Variants in NDUFA12 observed in about 807,000 individuals in gnomAD.
The protein encoded by NDUFA12 is NADH dehydrogenase [ubiquinone] 1 alpha subcomplex subunit 12.
A neutral mutation model predicts 20.3 loss-of-function variants in NDUFA12; 17 were observed. The observed-to-expected ratio is 0.84, with a 90% CI of 0.57 to 1.26. NDUFA12 has a LOEUF of 1.26. Among genes scored for constraint, NDUFA12 ranks in the 50% most tolerant of loss-of-function variants. The pLI is 0.00. For synonymous variants in NDUFA12, 72 were observed against 63.6 expected, an observed-to-expected ratio of 1.13 and a Z score of -0.63; for missense variants, 191 against 183.7, an observed-to-expected ratio of 1.04 and a Z score of -0.23.
intron 3 of NDUFA12, among the ~76,000 whole-genome samples, chr12:94,973,391 C>T (rs563569041): frequency 5.3e-5 from 8 of 152,148 alleles, no homozygotes; most frequent in East Asian, 1.9e-4. Flanking sequence ...TATGAGCACA[C>T]GAGCGCTGAA....
At chr12:95,001,108 C>G (rs892467213) in intron 2 of NDUFA12, among the ~76,000 whole-genome samples, 1 of 152,066 alleles carries the variant, frequency 6.6e-6, no homozygotes, top group Non-Finnish European at 1.5e-5. Context: ...AGTTCAAGAC[C>G]AGCCTGGGGA....
At chr12:94,978,564 T>C (rs1311295148) in intron 3 of NDUFA12, among the ~76,000 whole-genome samples, 1 of 152,180 alleles carries the variant, frequency 6.6e-6, no homozygotes, top group Non-Finnish European at 1.5e-5. Flanking sequence ...AAATATCAAA[T>C]ATGTTCAATT....
intron 3 of NDUFA12, among the ~76,000 whole-genome samples, chr12:94,985,795 T>C (rs971777109): frequency 6.0e-5 from 9 of 149,536 alleles, no homozygotes; most frequent in Admixed American, 1.3e-4. Flanking sequence ...CTACTAAAAA[T>C]AAAAATAGGC....
At chr12:94,971,661 G>C (rs761115058) in intron 3 of NDUFA12, 41 bp from the exon 4 acceptor site, 3 of 1,605,756 alleles carry the variant, frequency 1.9e-6, no homozygotes, top group Non-Finnish European at 2.6e-6. Context: ...TGAAGAGGCA[G>C]TACAGCATAG....
rs746550695 is a variant in NDUFA12 at position 94,994,230 on chromosome 12, G to A, written c.197C>T (p.Thr66Ile). The A allele has an allele frequency of 6.2e-7, 1 of 1,614,014 alleles. No individual in the cohort carries two copies. Among genetic ancestry groups the A allele is most frequent in the Admixed American group, 1.7e-5 (1 of 60,002 alleles). ...FGRHRWVVYT[T>I]EMNGKNTFWD... The stretch of plus-strand genomic sequence containing the variant: ...GAATGTGTTTTTGCCATTCATTTCA[G>A]TAGTATATACAACCCATCGGTGACG... Residue 66 changes from threonine to isoleucine, a missense_variant, in exon 3 of 4, where the codon ACT (threonine) becomes ATT (isoleucine). Thr to Ile is a moderately conservative substitution (Grantham distance 89, BLOSUM62 -1). Coordinates refer to ENST00000327772, the MANE Select transcript of NDUFA12 (RefSeq NM_018838.5).
chr12:94,988,343 C>A (rs1424025340), intron 3 of NDUFA12, among the ~76,000 whole-genome samples: 1 of 152,122 alleles, frequency 6.6e-6, no homozygotes, highest in Non-Finnish European at 1.5e-5. Flanking sequence ...GCAAGACGTA[C>A]ACACTAAAGT....
In NDUFA12 at chr12:95,001,850, A is replaced by C. The variant is rs556942767; in HGVS notation, c.169+889T>G. On this transcript the variant is annotated intron_variant, in intron 2 of 3. Transcript: ENST00000327772. ...CTCTCAGGTAGCTGGGATTACAGGC[A>C]CACGCCACCACATCCAGCTAATTTT... Among the ~76,000 whole-genome samples, 15 of 151,962 alleles carry C rather than the reference A, an allele frequency of 9.9e-5. No homozygotes were observed. In the South Asian group the frequency reaches 3.1e-3, roughly 32 times the overall value.
intron 3 of NDUFA12, among the ~76,000 whole-genome samples, chr12:94,990,546 C>A (rs1330294805): frequency 6.6e-6 from 1 of 152,148 alleles, no homozygotes; most frequent in African/African-American, 2.4e-5. Flanking sequence ...CCTCAGCCTC[C>A]CAAGTAGCTG....
At chr12:94,985,626 CA>C (rs35674364) in intron 3 of NDUFA12, among the ~76,000 whole-genome samples, 54 of 43,582 alleles carry the variant, frequency 1.2e-3, no homozygotes, top group Middle Eastern at 0.012. Flanking sequence ...GACTCCATCT[CA>C]AAAAAAAAAA....
intron 3 of NDUFA12, among the ~76,000 whole-genome samples, chr12:94,989,935 C>T (rs1449949349): frequency 6.6e-6 from 1 of 152,110 alleles, no homozygotes; most frequent in Non-Finnish European, 1.5e-5. Flanking sequence ...GCTCACATGC[C>T]TTCTATAGCC....
chr12:95,002,669 T>C, intron 2 of NDUFA12, 70 bp downstream of exon 2: 1 of 1,113,298 alleles, frequency 9.0e-7, no homozygotes. Flanking sequence ...CATTGCATAA[T>C]ATGGAAAATA....
chr12:95,000,241 C>T (rs532758987), intron 2 of NDUFA12, among the ~76,000 whole-genome samples: 4 of 152,214 alleles, frequency 2.6e-5, no homozygotes, highest in Admixed American at 2.6e-4. Flanking sequence ...AACCAAATAT[C>T]GTATGTTCTC....
Position 95,003,639 on chromosome 12 carries a change from G to A in NDUFA12, c.42C>T (p.Ile14=), listed in dbSNP as rs772816626. The change falls in exon 1 of 4, where the codon ATC becomes ATT. Residue 14 remains isoleucine, a synonymous_variant. Transcript: ENST00000327772. ...AGCCTCGGAGACCGCCGTGGCCGGT[G>A]ATCTGCTGCAGCCCGCGTTTCAGGA... is the stretch of plus-strand genomic sequence containing the variant. ...VQVLKRGLQQ[I]TGHGGLRGYL... 7 of 1,614,178 alleles carry A rather than the reference G, an allele frequency of 4.3e-6. No individual in the cohort carries two copies. The highest frequency in any genetic ancestry group is 5.1e-6 in the Non-Finnish European group (6 of 1,180,030).
chr12:94,988,562 C>G (rs939996497), intron 3 of NDUFA12, among the ~76,000 whole-genome samples: 1 of 152,170 alleles, frequency 6.6e-6, no homozygotes, highest in African/African-American at 2.4e-5. Flanking sequence ...GGCCTGAAAG[C>G]TTGAAGAGAT....
At chr12:94,983,924 G>A (rs1378389557) in intron 3 of NDUFA12, among the ~76,000 whole-genome samples, 6 of 150,892 alleles carry the variant, frequency 4.0e-5, no homozygotes, top group Non-Finnish European at 7.4e-5. Context: ...AGGGTGTTGC[G>A]GTAGCCCAGC....
chr12:95,003,634 C>CCGGTGATCTGCTGCAGCGG lies in NDUFA12; in HGVS notation c.46_47insCCGCTGCAGCAGATCACCG (p.Gly16AlafsTer23). 6.2e-7 allele frequency: 1 copy of CCGGTGATCTGCTGCAGCGG among 1,614,198 alleles called. No homozygotes were observed. Among genetic ancestry groups the CCGGTGATCTGCTGCAGCGG allele is most frequent in the Non-Finnish European group, 8.5e-7 (1 of 1,180,032 alleles). ...TAGATAGCCTCGGAGACCGCCGTGG[C>CCGGTGATCTGCTGCAGCGG]CGGTGATCTGCTGCAGCCCGCGTTT... On this transcript the variant is annotated frameshift_variant, in exon 1 of 4. Coordinates refer to ENST00000327772, the MANE Select transcript of NDUFA12 (RefSeq NM_018838.5). LOFTEE classifies it high-confidence loss of function.
chr12:94,991,600 A>G (rs1175587573), intron 3 of NDUFA12, among the ~76,000 whole-genome samples: 2 of 151,408 alleles, frequency 1.3e-5, no homozygotes, highest in Non-Finnish European at 2.9e-5. Flanking sequence ...GGTGGCAGGC[A>G]CCTGTAGTCC....
At chr12:94,983,812 CCTTT>C (rs1371747860) in intron 3 of NDUFA12, among the ~76,000 whole-genome samples, 2 of 152,040 alleles carry the variant, frequency 1.3e-5, no homozygotes, top group Non-Finnish European at 2.9e-5. Context: ...TTGCCTCCTT[CCTTT>C]ATTCTTCACA....
At chr12:94,995,457 G>C (rs74891099) in intron 2 of NDUFA12, among the ~76,000 whole-genome samples, 11,097 of 152,120 alleles carry the variant, frequency 0.073, 471 homozygotes, top group Middle Eastern at 0.18. Context: ...CTCTCTCTCT[G>C]TCTGTCTCTC....
Sources: gnomAD v4.1 joint callset for allele counts (sites outside exome capture counted in the v4.1 genomes callset) on GRCh38, gnomAD v4.1.1 for gene constraint, MANE v1.5 for transcripts, NCBI Gene and HGNC (gene_info 2026-07-23, HGNC 2026-07-21) for gene names.